The following BOP1 variants were observed in gnomAD, a reference collection of about 807,000 sequenced individuals.
BOP1 encodes BOP1 ribosomal biogenesis factor, also known as ribosome biogenesis protein BOP1.
A neutral mutation model predicts 82.9 loss-of-function variants in BOP1; 54 were observed. The ratio of observed to expected loss-of-function variants is 0.65; its 90% CI spans 0.52 to 0.82. The LOEUF (loss-of-function observed/expected upper bound fraction) is 0.82. BOP1 is among the 40% of genes least tolerant of loss of function. The probability of loss-of-function intolerance (pLI) is 0.00; values close to 1 mark genes in which losing one functional copy is unlikely to be tolerated. For synonymous variants in BOP1, 566 were observed against 451.1 expected (o/e 1.25, Z -3.23); for missense variants, 1,170 against 1,072.0 (o/e 1.09, Z -1.28).
intron 3 of BOP1, chr8:144,266,590 T>A: frequency 9.2e-7 from 1 of 1,091,538 alleles, no homozygotes; most frequent in Non-Finnish European, 1.1e-6. Context: ...GCGACAGAGC[T>A]GACGCCGCGC....
At chr8:144,263,636 A>C (rs1845288263) in intron 10 of BOP1, 26 bp from the exon 11 acceptor site, 1 of 1,607,706 alleles carries the variant, frequency 6.2e-7, no homozygotes, top group East Asian at 2.2e-5. Context: ...ACAGCTCTCA[A>C]CACCTGGCCA....
chr8:144,264,744 C>T lies in BOP1; in HGVS notation c.633G>A (p.Gln211=). Residue 211 remains glutamine, a synonymous_variant, in exon 5 of 16, where the codon CAG becomes CAA. Transcript: ENST00000569669. ...VALVRRLQSG[Q]FGDVGFNPYE... Reference sequence around the variant, plus strand: ...AGGGGTTGAAGCCCACATCCCCAAACTGGCCACTCTGCAGCCGCCGCACCA... The same window carrying T: ...AGGGGTTGAAGCCCACATCCCCAAATTGGCCACTCTGCAGCCGCCGCACCA... 1 of 1,589,132 alleles carries T rather than the reference C, an allele frequency of 6.3e-7. No homozygotes were observed.
In BOP1 at chr8:144,264,255, T is replaced by G; in HGVS notation, c.948A>C (p.Pro316=). ...ALPGHAESYN[P]PPEYLLSEEE... ...CCTCGCTGAGCAGGTATTCAGGGGG[T>G]GGGTTGTACGACTCGGCGTGGCCTG... Residue 316 remains proline, a synonymous_variant, in exon 7 of 16, where the codon CCA becomes CCC. Coordinates refer to ENST00000569669, the MANE Select transcript of BOP1 (RefSeq NM_015201.5). The G allele has an allele frequency of 1.2e-6, 2 of 1,609,692 alleles. No homozygotes were observed. The highest frequency in any genetic ancestry group is 2.2e-5 in the South Asian group (2 of 90,770).
rs1845519574 is a variant in BOP1, at chr8:144,273,173, G to A, written c.390+3051C>T. ...CGCGGGGCCAGGACGCGGGGGCGGGGGCGGCCCGGAGGAGCGGAGGCCGCC... is the reference window on the plus strand; with the variant it reads ...CGCGGGGCCAGGACGCGGGGGCGGGAGCGGCCCGGAGGAGCGGAGGCCGCC... On this transcript the variant is annotated intron_variant, in intron 3 of 15. Coordinates refer to ENST00000569669, the MANE Select transcript of BOP1 (RefSeq NM_015201.5). 5.3e-5 allele frequency among the ~76,000 whole-genome samples: 8 copies of A among 152,312 alleles called. No homozygotes were observed. The South Asian group carries it at 1.4e-3, about 28-fold the overall frequency.
intron 3 of BOP1, among the ~76,000 whole-genome samples, chr8:144,274,600 A>C: frequency 6.6e-6 from 1 of 152,334 alleles, no homozygotes; most frequent in Admixed American, 6.5e-5. Context: ...CTGTGCTGGC[A>C]GGAGCACCGG....
rs1314750383 is a variant in BOP1 at position 144,263,244 on chromosome 8, G to A, written c.1582C>T (p.Arg528Trp). ...ASEEERQVGL[R>W]LRICHGKPVT... Reference sequence around the variant, plus strand: ...ACCTTCCCGTGGCAGATGCGCAGCCGCAGGCCCACTTGGCGCTCCTCCTCT... The same window carrying A: ...ACCTTCCCGTGGCAGATGCGCAGCCACAGGCCCACTTGGCGCTCCTCCTCT... The change falls in exon 12 of 16, where the codon CGG becomes TGG. Residue 528 changes from arginine (R) to tryptophan (W), a missense_variant. Physicochemically the swap from Arg to Trp is moderately radical, Grantham distance 101 (BLOSUM62 -3). Transcript: ENST00000569669. 19 of 1,594,836 alleles carry A rather than the reference G, an allele frequency of 1.2e-5. No individual in the cohort carries two copies. Among genetic ancestry groups the A allele is most frequent in the South Asian group, 7.7e-5 (7 of 90,786 alleles).
chr8:144,273,763 G>A (rs1845529824), intron 3 of BOP1, among the ~76,000 whole-genome samples: 1 of 150,860 alleles, frequency 6.6e-6, no homozygotes, highest in African/African-American at 2.5e-5. Context: ...CCATGCGGGG[G>A]CGGGGCAGCC....
At chr8:144,277,103 C>T (rs1428041308) in intron 2 of BOP1, among the ~76,000 whole-genome samples, 2 of 152,232 alleles carry the variant, frequency 1.3e-5, no homozygotes, top group South Asian at 2.1e-4. Context: ...CACCTCTCAC[C>T]CGTGGGGGCA....
At chr8:144,272,516 C>T (rs1026976574) in intron 3 of BOP1, among the ~76,000 whole-genome samples, 7 of 152,200 alleles carry the variant, frequency 4.6e-5, no homozygotes, top group African/African-American at 1.7e-4. Flanking sequence ...CTCCACTCCA[C>T]AGGCTGCTCT....
At chr8:144,267,137 CCAAA>C in intron 3 of BOP1, 1 of 1,525,212 alleles carries the variant, frequency 6.6e-7, no homozygotes, top group African/African-American at 1.4e-5. Flanking sequence ...AACACCCAGC[CCAAA>C]CAGATCTGCA....
chr8:144,283,439 G>A lies in BOP1; in HGVS notation c.309+5656C>T, dbSNP rs1017851194. ...ACAGGGAAGAGACAGAAGGGCTTCC[G>A]GGACTGGGACCACGGGCACGCACCG... On this transcript the variant is annotated intron_variant, in intron 2 of 15. Transcript: ENST00000569669. Among the ~76,000 whole-genome samples, 6 of 152,126 alleles carry A rather than the reference G, an allele frequency of 3.9e-5. No individual in the cohort carries two copies. In the South Asian group the frequency reaches 6.2e-4, roughly 16 times the overall value.
chr8:144,266,689 G>A, intron 3 of BOP1: 2 of 1,244,568 alleles, frequency 1.6e-6, no homozygotes, highest in Non-Finnish European at 2.1e-6. Flanking sequence ...GTCGGAGGAC[G>A]AGGACCGCGG....
At chr8:144,277,494 C>T (rs975751611) in intron 2 of BOP1, among the ~76,000 whole-genome samples, 16 of 152,360 alleles carry the variant, frequency 1.1e-4, no homozygotes, top group African/African-American at 2.2e-4. Flanking sequence ...GCTGGGCTCC[C>T]GACCCCTCAC....
rs939854933 is a variant in BOP1, at chr8:144,262,098, G to A, written c.*66C>T. The A allele has an allele frequency of 7.5e-6, 12 of 1,605,208 alleles. No individual in the cohort carries two copies. The highest frequency in any genetic ancestry group is 1.0e-5 in the Non-Finnish European group (12 of 1,176,738). ...CCAATTCAAGAAGGTGGGAGCACCA[G>A]GCAGCACAGGGTAAAGGCTCTGTTG... is the stretch of plus-strand genomic sequence containing the variant. On this transcript the variant is annotated 3_prime_UTR_variant, in exon 16 of 16. Coordinates refer to ENST00000569669, the MANE Select transcript of BOP1 (RefSeq NM_015201.5).
At chr8:144,269,620 C>T (rs1187935966) in intron 3 of BOP1, among the ~76,000 whole-genome samples, 4 of 152,250 alleles carry the variant, frequency 2.6e-5, no homozygotes, top group Admixed American at 6.5e-5. Flanking sequence ...CGGCAGGTTT[C>T]GTTCAGAGAG....
chr8:144,264,533 G>T lies in BOP1; in HGVS notation c.747C>A (p.Ser249=). Residue 249 remains serine, a synonymous_variant, in exon 6 of 16, where the codon TCC becomes TCA. Coordinates refer to ENST00000569669, the MANE Select transcript of BOP1 (RefSeq NM_015201.5). ...RPADKRSFIP[S]LVEKEKVSRM... is the part of the protein sequence containing the mutation. Reference sequence around the variant, plus strand: ...GCCCCACCTTCTCCTTCTCCACCAGGGAGGGGATGAAGCTGCGCTTGTCGG... The same window carrying T: ...GCCCCACCTTCTCCTTCTCCACCAGTGAGGGGATGAAGCTGCGCTTGTCGG... 1 of 1,610,472 alleles carries T rather than the reference G, an allele frequency of 6.2e-7. No individual in the cohort carries two copies.
At chr8:144,275,175 G>C (rs1168837113) in intron 3 of BOP1, among the ~76,000 whole-genome samples, 1 of 152,042 alleles carries the variant, frequency 6.6e-6, no homozygotes, top group Non-Finnish European at 1.5e-5. Flanking sequence ...GGCAGGAAGA[G>C]CTCCTTCAGG....
chr8:144,265,192 G>GT, intron 3 of BOP1, 121 bp from the exon 4 acceptor site: 1 of 1,174,484 alleles, frequency 8.5e-7, no homozygotes, highest in Admixed American at 2.1e-5. Flanking sequence ...CAAGTGCCCT[G>GT]AGGTCACTGG....
chr8:144,262,779 C>G, intron 13 of BOP1, 74 bp downstream of exon 13: 3 of 1,339,012 alleles, frequency 2.2e-6, no homozygotes, highest in Middle Eastern at 2.8e-4. Flanking sequence ...CCCCTACCCC[C>G]ACCCCTCACC....
Sources: gnomAD v4.1 joint callset for allele counts (sites outside exome capture counted in the v4.1 genomes callset) on GRCh38, gnomAD v4.1.1 for gene constraint, MANE v1.5 for transcripts, NCBI Gene and HGNC (gene_info 2026-07-23, HGNC 2026-07-21) for gene names.